GRM1: variants seen among roughly 807,000 people sequenced by gnomAD.
The protein encoded by GRM1 is glutamate metabotropic receptor 1.
Under a neutral mutation model 90.9 loss-of-function variants are expected in GRM1, and 33 were observed. That is an observed-to-expected ratio of 0.36 (90% CI 0.28 to 0.49). The LOEUF (loss-of-function observed/expected upper bound fraction) is 0.49, where lower values mean the gene tolerates loss of function less well. Ranked by LOEUF, GRM1 falls within the 20% of genes least tolerant of loss-of-function variation. The pLI, the probability that GRM1 is intolerant of heterozygous loss-of-function variation, is 0.99. For synonymous variants in GRM1, 700 were observed against 613.2 expected (o/e 1.14, Z -2.09); for missense variants, 1,190 against 1,534.3 (o/e 0.78, Z 3.75).
intron 2 of GRM1, among the ~76,000 whole-genome samples, chr6:146,186,820 A>G (rs756206536): frequency 1.3e-5 from 2 of 152,216 alleles, no homozygotes; most frequent in Admixed American, 6.5e-5. Flanking sequence ...TGCTGTTCGC[A>G]CTATGTGTCC....
At chr6:146,404,352 C>T (rs1335084333) in intron 7 of GRM1, among the ~76,000 whole-genome samples, 1 of 151,904 alleles carries the variant, frequency 6.6e-6, no homozygotes, top group Admixed American at 6.6e-5. Flanking sequence ...AAGAGGCAGG[C>T]CCTGACTGCA....
At chr6:146,079,802 G>T (rs546504456) in intron 1 of GRM1, among the ~76,000 whole-genome samples, 1 of 152,204 alleles carries the variant, frequency 6.6e-6, no homozygotes, top group African/African-American at 2.4e-5. Flanking sequence ...CATAAAGCCA[G>T]GCGTTGTAGA....
At chr6:146,411,131 TA>T (rs1468216721) in intron 7 of GRM1, among the ~76,000 whole-genome samples, 1 of 152,092 alleles carries the variant, frequency 6.6e-6, no homozygotes, top group African/African-American at 2.4e-5. Flanking sequence ...AACAAGACAA[TA>T]CAAGCATAGT....
chr6:146,379,834 C>T (rs921555995), intron 5 of GRM1, among the ~76,000 whole-genome samples: 2 of 152,006 alleles, frequency 1.3e-5, no homozygotes, highest in Non-Finnish European at 2.9e-5. Flanking sequence ...CATAGAGGTA[C>T]CACCTTGATT....
intron 6 of GRM1, among the ~76,000 whole-genome samples, chr6:146,391,750 T>A (rs1000635260): frequency 1.3e-5 from 2 of 151,978 alleles, no homozygotes; most frequent in African/African-American, 4.8e-5. Flanking sequence ...TCTAAAACTT[T>A]TAAGAAACTT....
chr6:146,199,256 C>A (rs1779220621), intron 2 of GRM1, among the ~76,000 whole-genome samples: 2 of 152,178 alleles, frequency 1.3e-5, no homozygotes, highest in Non-Finnish European at 2.9e-5. Flanking sequence ...CCACTTTGCT[C>A]AGCTCTTTAT....
intron 3 of GRM1, among the ~76,000 whole-genome samples, chr6:146,342,637 C>A (rs530905244): frequency 6.6e-6 from 1 of 152,174 alleles, no homozygotes. Flanking sequence ...TCCTATCAAC[C>A]GTTTCATAAG....
chr6:146,156,568 C>A (rs999098025), intron 1 of GRM1, among the ~76,000 whole-genome samples: 3 of 152,198 alleles, frequency 2.0e-5, no homozygotes, highest in Admixed American at 1.3e-4. Flanking sequence ...TGCTCTAGCA[C>A]TTTATTGTGT....
intron 4 of GRM1, among the ~76,000 whole-genome samples, chr6:146,354,712 T>A (rs1196474571): frequency 6.6e-6 from 1 of 152,158 alleles, no homozygotes; most frequent in Non-Finnish European, 1.5e-5. Flanking sequence ...CAGTTAATCA[T>A]CACACAATGT....
At chr6:146,110,449 G>A (rs964669168) in intron 1 of GRM1, among the ~76,000 whole-genome samples, 2 of 152,102 alleles carry the variant, frequency 1.3e-5, no homozygotes, top group Non-Finnish European at 2.9e-5. Context: ...CCAGCCACAC[G>A]GAACTGTTAA....
chr6:146,399,532 C>G lies in GRM1; in HGVS notation c.2493C>G (p.Phe831Leu), dbSNP rs1401941232. 6.2e-7 allele frequency: 1 copy of G among 1,613,984 alleles called. No individual in the cohort carries two copies. Among genetic ancestry groups the G allele is most frequent in the Non-Finnish European group, 8.5e-7 (1 of 1,179,992 alleles). Residue 831 changes from phenylalanine (F) to leucine (L), a missense_variant, in exon 7 of 8, where the codon TTC becomes TTG. Coordinates refer to ENST00000282753, the MANE Select transcript of GRM1 (RefSeq NM_001278064.2). This position sits in a 1 kb window ranked among gnomAD's most constrained non-coding sequence, Gnocchi z 5.4. ...TAACAGTGGCTCTGGGGTGCATGTT[C>G]ACTCCCAAGATGTACATCATTATTG... ...LSVTVALGCM[F>L]TPKMYIIIAK...
intron 2 of GRM1, among the ~76,000 whole-genome samples, chr6:146,302,364 CA>C (rs1462116864): frequency 6.7e-6 from 1 of 149,204 alleles, no homozygotes; most frequent in East Asian, 2.0e-4. Flanking sequence ...TATCGCTCCC[CA>C]TGATACTGGT....
Position 146,143,320 on chromosome 6 carries a change from A to G in GRM1, c.701-16028A>G, listed in dbSNP as rs115489954. On this transcript the variant is annotated intron_variant, in intron 1 of 7. Coordinates refer to ENST00000282753, the MANE Select transcript of GRM1 (RefSeq NM_001278064.2). ...ACTGATGATGTAAAAGATATATAAA[A>G]TGTGGGGTTAAATAGGAGGAGACTG... Among the ~76,000 whole-genome samples, 922 of 152,298 alleles carry G rather than the reference A, an allele frequency of 6.1e-3. 10 individuals carry two copies. Among genetic ancestry groups the G allele is most frequent in the African/African-American group, 0.021 (869 of 41,554 alleles).
intron 6 of GRM1, among the ~76,000 whole-genome samples, chr6:146,396,384 T>G (rs1033653104): frequency 1.3e-5 from 2 of 152,238 alleles, no homozygotes; most frequent in South Asian, 4.1e-4. Flanking sequence ...CTTTCATAAG[T>G]TGACAACACG....
chr6:146,185,667 T>TA (rs1778707164), intron 2 of GRM1, among the ~76,000 whole-genome samples: 1 of 152,208 alleles, frequency 6.6e-6, no homozygotes, highest in Non-Finnish European at 1.5e-5. Flanking sequence ...GATTTGGGAG[T>TA]AAAATTCTCT....
At chr6:146,275,729 T>G (rs888976033) in intron 2 of GRM1, among the ~76,000 whole-genome samples, 1 of 152,190 alleles carries the variant, frequency 6.6e-6, no homozygotes, top group Non-Finnish European at 1.5e-5. Context: ...TTTCTCATTA[T>G]TTTCTCTTCT....
intron 3 of GRM1, among the ~76,000 whole-genome samples, chr6:146,311,769 T>C (rs1387513732): frequency 1.3e-5 from 2 of 152,094 alleles, no homozygotes; most frequent in Admixed American, 1.3e-4. Context: ...ACTTACAAAT[T>C]GTGAAAAAAA....
At chr6:146,231,498 G>T (rs772585703) in intron 2 of GRM1, among the ~76,000 whole-genome samples, 27 of 151,956 alleles carry the variant, frequency 1.8e-4, no homozygotes, top group Non-Finnish European at 3.5e-4. Flanking sequence ...ACAAAGAGAT[G>T]AAAACTATAA....
intron 7 of GRM1, among the ~76,000 whole-genome samples, chr6:146,418,742 T>C (rs1190473401): frequency 2.6e-5 from 4 of 152,056 alleles, no homozygotes; most frequent in African/African-American, 9.7e-5. Context: ...ATATTCTGTT[T>C]TGATTTATTC....
Sources: allele counts gnomAD v4.1 joint callset (sites outside exome capture counted in the v4.1 genomes callset), GRCh38; gene constraint gnomAD v4.1.1; non-coding constraint Gnocchi (gnomAD v3.1); transcripts MANE v1.5; gene names NCBI Gene and HGNC (gene_info 2026-07-23, HGNC 2026-07-21).